The following LPP variants were observed in gnomAD, a reference collection of about 807,000 sequenced individuals.
LPP encodes lipoma-preferred partner.
A neutral mutation model predicts 60.4 loss-of-function variants in LPP; 38 were observed. The observed-to-expected ratio is 0.63, with a 90% CI of 0.49 to 0.83. LPP has a LOEUF of 0.83. Ranked by LOEUF, LPP falls within the 40% of genes least tolerant of loss-of-function variation. LPP has a pLI of 0.00. For missense variants in LPP, 902 were observed against 783.6 expected, an observed-to-expected ratio of 1.15 and a Z score of -1.80; for synonymous variants, 328 against 290.8, an observed-to-expected ratio of 1.13 and a Z score of -1.30.
intron 9 of LPP, among the ~76,000 whole-genome samples, chr3:188,831,300 G>C (rs944998364): frequency 3.3e-5 from 5 of 152,162 alleles, no homozygotes; most frequent in African/African-American, 1.2e-4. Context: ...GTCATACCTA[G>C]ACATTTATCT....
rs76421013 is a variant in LPP at position 188,881,309 on chromosome 3, A to C, written c.*6830A>C. ...GCTCCACAAAACAAGTCTTAAGTCC[A>C]AATCTTTGCCTCTTCATGTCTGATA... On this transcript the variant is annotated 3_prime_UTR_variant, in exon 12 of 12. Coordinates refer to ENST00000617246, the MANE Select transcript of LPP (RefSeq NM_001375462.1). The C allele has an allele frequency of 0.01, 2,017 of 193,712 alleles. 19 individuals are homozygous for C. The highest frequency in any genetic ancestry group is 0.015 in the Non-Finnish European group (1,404 of 92,480). The allele number at this position is 193,712 out of a possible 1,614,324, so 12.0% of individuals were successfully genotyped here. A position where few individuals can be genotyped will look rare whatever the true frequency, so the allele number is the denominator to read the frequency against.
chr3:188,699,245 C>T lies in LPP; in HGVS notation c.1114-9022C>T, dbSNP rs371448451. Among the ~76,000 whole-genome samples, 111 of 152,282 alleles carry T rather than the reference C, an allele frequency of 7.3e-4. No homozygotes were observed. The South Asian group carries it at 8.3e-3, about 11-fold the overall frequency. ...AGGCACTATTATAGCTGCCTTGACA[C>T]GTGGAGACGGAGAGAGGTGGGTGTG... On this transcript the variant is annotated intron_variant, in intron 7 of 11. Transcript: ENST00000617246.
At chr3:188,553,606 G>T (rs186441784) in intron 6 of LPP, among the ~76,000 whole-genome samples, 38 of 152,258 alleles carry the variant, frequency 2.5e-4, no homozygotes, top group Admixed American at 1.2e-3. Context: ...ACATAGGAAC[G>T]GACAGTTAAC....
chr3:188,445,889 G>A (rs542847325), intron 4 of LPP, among the ~76,000 whole-genome samples: 1 of 152,136 alleles, frequency 6.6e-6, no homozygotes, highest in South Asian at 2.1e-4. Flanking sequence ...GCCATTTTTT[G>A]TGATACAGGA....
At chr3:188,800,537 A>G (rs115849769) in intron 9 of LPP, among the ~76,000 whole-genome samples, 2,399 of 151,802 alleles carry the variant, frequency 0.016, 34 homozygotes, top group African/African-American at 0.034. Context: ...GAGCCACCAC[A>G]CCCGGCCAAA....
Position 188,275,720 on chromosome 3 carries a change from G to C in LPP, c.-67+50193G>C, listed in dbSNP as rs1212437348. On this transcript the variant is annotated intron_variant, in intron 2 of 11. Transcript: ENST00000617246. ...TTTGAAACGGAGTCTCTGTTGCCCAGACTGGAGTGCAATGGCACCATCTCG... is the reference window on the plus strand; with the variant it reads ...TTTGAAACGGAGTCTCTGTTGCCCACACTGGAGTGCAATGGCACCATCTCG... Among the ~76,000 whole-genome samples the C allele has an allele frequency of 2.0e-5, 3 of 151,650 alleles. No homozygotes were observed. In the East Asian group the frequency reaches 5.8e-4, roughly 29 times the overall value.
rs1553936326 is a variant in LPP, at chr3:188,592,551, G to GTTTTTTTTTTTTTTTTTTTTTTTTTTT, written c.430-16605_430-16604insTTTTTTTTTTTTTTTTTTTTTTTTTTT. ...AATGAGTATCACTGTTTTTAGTTTTGTTTTTGTTTTTTAAATGGAGTCTCA... is the reference window on the plus strand; with the variant it reads ...AATGAGTATCACTGTTTTTAGTTTTGTTTTTTTTTTTTTTTTTTTTTTTTTTTTTTTTGTTTTTTAAATGGAGTCTCA... On this transcript the variant is annotated intron_variant, in intron 6 of 11. Transcript: ENST00000617246. Among the ~76,000 whole-genome samples, 17 of 98,206 alleles carry GTTTTTTTTTTTTTTTTTTTTTTTTTTT rather than the reference G, an allele frequency of 1.7e-4. 2 individuals carry two copies. The highest frequency in any genetic ancestry group is 2.7e-4 in the Non-Finnish European group (12 of 44,214). 64.4% of individuals were successfully genotyped at this position (98,206 alleles called of 152,430 possible).
rs75447516 is a variant in LPP, at chr3:188,733,775, G to GTTGTTTTGTTTTGTT, written c.1240+25385_1240+25399dup. Among the ~76,000 whole-genome samples the GTTGTTTTGTTTTGTT allele has an allele frequency of 3.3e-5, 5 of 151,900 alleles. 1 individual carries two copies. In the South Asian group the frequency reaches 1.0e-3, roughly 32 times the overall value. On this transcript the variant is annotated intron_variant, in intron 8 of 11. Coordinates refer to ENST00000617246, the MANE Select transcript of LPP (RefSeq NM_001375462.1). Reference sequence around the variant, plus strand: ...ATTAGGCTACTGAAGTGTTTTTGTGGTTGTTTTGTTTTGTTTTACTTCTAT... The same window carrying GTTGTTTTGTTTTGTT: ...ATTAGGCTACTGAAGTGTTTTTGTGGTTGTTTTGTTTTGTTTTGTTTTGTTTTGTTTTACTTCTAT...
At chr3:188,512,612 C>A (rs998989178) in intron 5 of LPP, among the ~76,000 whole-genome samples, 1 of 150,960 alleles carries the variant, frequency 6.6e-6, no homozygotes, top group South Asian at 2.1e-4. Context: ...ACCCTCTGTA[C>A]GTTTCCATGG....
intron 6 of LPP, among the ~76,000 whole-genome samples, chr3:188,564,109 G>T (rs767833707): frequency 1.3e-5 from 2 of 151,888 alleles, no homozygotes; most frequent in Non-Finnish European, 2.9e-5. Context: ...AATACCTTTA[G>T]CTTATTTTTT....
intron 9 of LPP, among the ~76,000 whole-genome samples, chr3:188,784,417 A>G (rs1740899970): frequency 1.9e-4 from 1 of 5,248 alleles, no homozygotes; most frequent in Non-Finnish European, 2.8e-4. Context: ...TCCATCATAT[A>G]TATATATTCC....
chr3:188,417,921 T>C (rs1024896087), intron 4 of LPP, among the ~76,000 whole-genome samples: 1 of 152,198 alleles, frequency 6.6e-6, no homozygotes, highest in Non-Finnish European at 1.5e-5. Context: ...TTTTGTTTTG[T>C]TTTGCTCTCT....
chr3:188,395,895 C>G (rs1780830689), intron 3 of LPP, among the ~76,000 whole-genome samples: 1 of 150,584 alleles, frequency 6.6e-6, no homozygotes, highest in South Asian at 2.1e-4. Flanking sequence ...GCTTGGGCAA[C>G]AGAGTGAGAC....
At chr3:188,731,863 T>C (rs1444003641) in intron 8 of LPP, among the ~76,000 whole-genome samples, 1 of 152,176 alleles carries the variant, frequency 6.6e-6, no homozygotes, top group East Asian at 1.9e-4. Flanking sequence ...CCTCCTTTCT[T>C]CCTTCATGGT....
At chr3:188,586,736 T>TG (rs1278012910) in intron 6 of LPP, among the ~76,000 whole-genome samples, 2 of 150,914 alleles carry the variant, frequency 1.3e-5, no homozygotes, top group African/African-American at 4.9e-5. Context: ...AACATTGTTT[T>TG]TTTTTTTTTT....
chr3:188,271,466 G>A (rs1020429607), intron 2 of LPP, among the ~76,000 whole-genome samples: 11 of 152,242 alleles, frequency 7.2e-5, no homozygotes, highest in African/African-American at 2.7e-4. Context: ...AATTAGGGAT[G>A]TGAGACTGAG....
intron 7 of LPP, among the ~76,000 whole-genome samples, chr3:188,689,625 A>G (rs1335909824): frequency 1.3e-5 from 2 of 152,084 alleles, no homozygotes; most frequent in Non-Finnish European, 2.9e-5. Context: ...TTGACATTTC[A>G]TTGTTTTCGG....
chr3:188,652,387 G>A (rs1191113174), intron 7 of LPP, among the ~76,000 whole-genome samples: 1 of 151,982 alleles, frequency 6.6e-6, no homozygotes, highest in Non-Finnish European at 1.5e-5. Context: ...TCTGATACCA[G>A]CCTATAGATC....
At chr3:188,318,750 A>ATT (rs1578073052) in intron 2 of LPP, among the ~76,000 whole-genome samples, 7 of 120,504 alleles carry the variant, frequency 5.8e-5, no homozygotes, top group African/African-American at 2.3e-4. Context: ...AAAAATTATG[A>ATT]TTCTTTTTTT....
Sources: gnomAD v4.1 joint callset for allele counts (sites outside exome capture counted in the v4.1 genomes callset) on GRCh38, gnomAD v4.1.1 for gene constraint, MANE v1.5 for transcripts, NCBI Gene and HGNC (gene_info 2026-07-23, HGNC 2026-07-21) for gene names.